The following DHCR24 variants were observed in gnomAD, a reference collection of about 807,000 sequenced individuals.
DHCR24 encodes delta(24)-sterol reductase.
In DHCR24, 28 loss-of-function variants were observed where a neutral mutation model predicts 61.2. The observed-to-expected ratio is 0.46, with a 90% CI of 0.34 to 0.63. The LOEUF (loss-of-function observed/expected upper bound fraction) is 0.63. DHCR24 is among the 20% of genes least tolerant of loss of function. The pLI is 0.01. For synonymous variants in DHCR24, 261 were observed against 275.9 expected, an observed-to-expected ratio of 0.95 and a Z score of 0.54; for missense variants, 538 against 679.1, an observed-to-expected ratio of 0.79 and a Z score of 2.31.
chr1:54,857,796 C>T (rs1407693944), intron 6 of DHCR24, among the ~76,000 whole-genome samples: 1 of 152,164 alleles, frequency 6.6e-6, no homozygotes, highest in Admixed American at 6.5e-5. Context: ...CTTTTTGCAC[C>T]TGGCCCTACA....
In DHCR24 at chr1:54,865,369, G is replaced by C; in HGVS notation, c.954C>G (p.Gly318=). ...AGTGTCTCAAGGGAATGTACTCCAG[G>C]CCCTCTCGGTTTGTCTTCAGATAGT... ...VENYLKTNRE[G]LEYIPLRHYY... is the part of the protein sequence containing the mutation. Residue 318 remains glycine, a synonymous_variant, in exon 6 of 9, where the codon GGC becomes GGG. Transcript: ENST00000371269. 6.2e-7 allele frequency: 1 copy of C among 1,614,186 alleles called. No individual in the cohort carries two copies. The highest frequency in any genetic ancestry group is 2.2e-5 in the East Asian group (1 of 44,882).
In DHCR24 at chr1:54,851,081, C is replaced by T. The variant is rs928739223; in HGVS notation, c.*1152G>A. On this transcript the variant is annotated 3_prime_UTR_variant, in exon 9 of 9. Coordinates refer to ENST00000371269, the MANE Select transcript of DHCR24 (RefSeq NM_014762.4). Reference sequence around the variant, plus strand: ...AGCCAGGGAAGGACCTAGGGAGGTTCCCTTCCCTCTGGAACGGAAATGGAA... The same window carrying T: ...AGCCAGGGAAGGACCTAGGGAGGTTTCCTTCCCTCTGGAACGGAAATGGAA... The T allele has an allele frequency of 1.3e-5, 2 of 152,546 alleles. No individual in the cohort carries two copies. The highest frequency in any genetic ancestry group is 4.8e-5 in the African/African-American group (2 of 41,426). The allele number at this position is 152,546 out of a possible 1,614,324, so 9.4% of individuals were successfully genotyped here.
intron 6 of DHCR24, among the ~76,000 whole-genome samples, chr1:54,856,599 CT>C (rs924987160): frequency 3.3e-5 from 5 of 150,580 alleles, no homozygotes; most frequent in Admixed American, 2.0e-4. Context: ...GAGACTCCGT[CT>C]CAAAAAAAAA....
rs776954529 is a variant in DHCR24 at position 54,852,324 on chromosome 1, C to T, written c.1460G>A (p.Gly487Asp). 3.7e-5 allele frequency: 60 copies of T among 1,614,094 alleles called. 1 individual carries two copies. In the South Asian group the frequency reaches 6.1e-4, roughly 17 times the overall value. The change falls in exon 9 of 9, where the codon GGC becomes GAC. Residue 487 changes from glycine (G) to aspartate (D), a missense_variant. Transcript: ENST00000371269. ...CTCTCGCAGCTTGTGGTACAAGGAG[C>T]CATCAAACATCTCCCAGAACTCCTC... Reference protein sequence around the residue: ...NREEFWEMFDGSLYHKLREKL... With the variant: ...NREEFWEMFDDSLYHKLREKL...
chr1:54,865,145 A>G (rs1460673895), intron 6 of DHCR24, among the ~76,000 whole-genome samples, 158 bp downstream of exon 6: 1 of 152,156 alleles, frequency 6.6e-6, no homozygotes, highest in Non-Finnish European at 1.5e-5. Context: ...TTCCTTCAGA[A>G]GGAAACGACT....
intron 5 of DHCR24, among the ~76,000 whole-genome samples, chr1:54,869,405 C>T (rs1444400806): frequency 6.6e-6 from 1 of 152,122 alleles, no homozygotes; most frequent in Non-Finnish European, 1.5e-5. Flanking sequence ...CTGACTCAAT[C>T]CTACACAAAT....
intron 6 of DHCR24, among the ~76,000 whole-genome samples, chr1:54,863,352 C>T (rs1646949109): frequency 6.6e-6 from 1 of 152,204 alleles, no homozygotes; most frequent in Admixed American, 6.5e-5. Context: ...GTTCAAAGCC[C>T]TCATTGGCTT....
At chr1:54,881,204 G>A (rs904358801) in intron 2 of DHCR24, among the ~76,000 whole-genome samples, 2 of 152,192 alleles carry the variant, frequency 1.3e-5, no homozygotes, top group African/African-American at 4.8e-5. Flanking sequence ...CACAGACTGT[G>A]AGAAAATATT....
At chr1:54,886,598 T>C in intron 1 of DHCR24, 1 of 1,436,984 alleles carries the variant, frequency 7.0e-7, no homozygotes, top group Non-Finnish European at 9.2e-7. Context: ...TCTGAAATGC[T>C]TGGGCCGGGT....
rs1646871845 is a variant in DHCR24 at position 54,850,898 on chromosome 1, G to C, written c.*1335C>G. 6.6e-6 allele frequency: 1 copy of C among 152,188 alleles called. No homozygotes were observed. The highest frequency in any genetic ancestry group is 1.5e-5 in the Non-Finnish European group (1 of 68,038). 9.4% of individuals were successfully genotyped at this position (152,188 alleles called of 1,614,324 possible). On this transcript the variant is annotated 3_prime_UTR_variant, in exon 9 of 9. Transcript: ENST00000371269. ...GACAGTAGAGAGGGGCTGAAACCTA[G>C]GTCTCCTGACTCACACGCCACAACC...
At chr1:54,881,790 C>T (rs961039356) in intron 2 of DHCR24, among the ~76,000 whole-genome samples, 1 of 152,152 alleles carries the variant, frequency 6.6e-6, no homozygotes, top group Non-Finnish European at 1.5e-5. Flanking sequence ...TACGTATACA[C>T]CATGGAATAC....
In DHCR24 at chr1:54,849,865, G is replaced by A. The variant is rs1646865013; in HGVS notation, c.*2368C>T. On this transcript the variant is annotated 3_prime_UTR_variant, in exon 9 of 9. Transcript: ENST00000371269. Reference sequence around the variant, plus strand: ...CCAAGTATTCATCCTTCTGGCCAAAGAAACTGGCTACAATTCTGATTCTAA... The same window carrying A: ...CCAAGTATTCATCCTTCTGGCCAAAAAAACTGGCTACAATTCTGATTCTAA... The A allele has an allele frequency of 6.5e-6, 1 of 152,680 alleles. No individual in the cohort carries two copies. The highest frequency in any genetic ancestry group is 1.5e-5 in the Non-Finnish European group (1 of 68,072). 9.5% of individuals were successfully genotyped at this position (152,680 alleles called of 1,614,324 possible).
At chr1:54,875,731 T>C (rs988233424) in intron 3 of DHCR24, among the ~76,000 whole-genome samples, 14 of 151,978 alleles carry the variant, frequency 9.2e-5, no homozygotes, top group African/African-American at 3.1e-4. Flanking sequence ...AACCAGAAAT[T>C]AAAAGTGCCT....
intron 4 of DHCR24, among the ~76,000 whole-genome samples, chr1:54,874,127 G>A (rs538856998): frequency 6.6e-6 from 1 of 152,300 alleles, no homozygotes; most frequent in African/African-American, 2.4e-5. Flanking sequence ...AGTTTATAAA[G>A]TAAAAATGTT....
intron 6 of DHCR24, 35 bp from the exon 7 acceptor site, chr1:54,854,269 A>C (rs767681511): frequency 4.6e-6 from 7 of 1,511,296 alleles, no homozygotes; most frequent in Admixed American, 1.7e-5. Flanking sequence ...AGAGAAAAAA[A>C]CCAACAAGGG....
chr1:54,879,613 T>A (rs1019722227), intron 2 of DHCR24, among the ~76,000 whole-genome samples: 1 of 152,040 alleles, frequency 6.6e-6, no homozygotes, highest in East Asian at 1.9e-4. Context: ...GAAAAACAGA[T>A]GAAGAAATAA....
At chr1:54,855,310 C>T (rs967511222) in intron 6 of DHCR24, among the ~76,000 whole-genome samples, 8 of 150,970 alleles carry the variant, frequency 5.3e-5, no homozygotes, top group Admixed American at 1.3e-4. Context: ...AGGAGAATGG[C>T]GTGAACCCAG....
At chr1:54,858,147 C>T (rs1234250153) in intron 6 of DHCR24, among the ~76,000 whole-genome samples, 3 of 152,238 alleles carry the variant, frequency 2.0e-5, no homozygotes, top group African/African-American at 7.2e-5. Flanking sequence ...CGCAGATGCC[C>T]GCTCCAGGGA....
chr1:54,865,224 T>C, intron 6 of DHCR24, 79 bp downstream of exon 6: 1 of 1,525,266 alleles, frequency 6.6e-7, no homozygotes. Context: ...AGGGAGAGAG[T>C]ATGGCTACAG....
Sources: allele counts gnomAD v4.1 joint callset (sites outside exome capture counted in the v4.1 genomes callset), GRCh38; gene constraint gnomAD v4.1.1; transcripts MANE v1.5; gene names NCBI Gene and HGNC (gene_info 2026-07-23, HGNC 2026-07-21).